Variants in COX7A1 observed in about 807,000 individuals in gnomAD.
COX7A1 encodes cytochrome c oxidase subunit 7A1.
In COX7A1, 21 loss-of-function variants were observed where a neutral mutation model predicts 13.2. That is an observed-to-expected ratio of 1.59 (90% CI 1.13 to 2.29). The LOEUF is 2.29. Ranked by LOEUF, COX7A1 falls within the 30% of genes most tolerant of loss-of-function variation. The pLI, the probability that COX7A1 is intolerant of heterozygous loss-of-function variation, is 0.00. For synonymous variants in COX7A1, 41 were observed against 41.9 expected (o/e 0.98, Z 0.08); for missense variants, 107 against 100.0 (o/e 1.07, Z -0.30).
intron 2 of COX7A1, 51 bp from the exon 3 acceptor site, chr19:36,151,597 C>T: frequency 6.2e-7 from 1 of 1,611,262 alleles, no homozygotes; most frequent in Non-Finnish European, 8.5e-7. Context: ...CTCCTTAGAG[C>T]GCGCCCCGCC....
intron 3 of COX7A1, among the ~76,000 whole-genome samples, 166 bp downstream of exon 3, chr19:36,151,296 C>T (rs1974763475): frequency 6.6e-6 from 1 of 152,124 alleles, no homozygotes; most frequent in South Asian, 2.1e-4. Context: ...AGCCCAAACC[C>T]TAGTTACTCC....
At chr19:36,151,344 C>G in intron 3 of COX7A1, 118 bp downstream of exon 3, 1 of 1,088,060 alleles carries the variant, frequency 9.2e-7, no homozygotes, top group Non-Finnish European at 1.4e-6. Flanking sequence ...GTACTCGACC[C>G]CCTTCCTAAA....
chr19:36,151,613 C>T (rs1467868090), intron 2 of COX7A1, 56 bp downstream of exon 2: 19 of 1,609,484 alleles, frequency 1.2e-5, no homozygotes, highest in Non-Finnish European at 1.5e-5. Context: ...CCGCCTGCCC[C>T]GGCTCGGCGC....
Position 36,151,716 on chromosome 19 carries a change from G to A in COX7A1, c.55C>T (p.Arg19Trp), listed in dbSNP as rs1241499752. Residue 19 changes from arginine (R) to tryptophan (W), a missense_variant, in exon 2 of 4, where the codon CGG becomes TGG. Transcript: ENST00000292907. ...ALIRSFSSTA[R>W]NRFQNRVREK... ...CGCACTCGGTTCTGAAAGCGGTTCC[G>A]GGCGGTGGAGCTGAAGGAGCGGATC... The A allele has an allele frequency of 8.9e-6, 14 of 1,579,916 alleles. No homozygotes were observed. The highest frequency in any genetic ancestry group is 2.3e-5 in the East Asian group (1 of 43,074).
chr19:36,152,263 T>A lies in COX7A1; in HGVS notation c.15+130A>T, dbSNP rs563109980. On this transcript the variant is annotated intron_variant, in intron 1 of 3. Transcript: ENST00000292907. ...TGTGGGGGAAGGGACCCAGGCTGTT[T>A]AGCGGGGAGTCCCAGGCCCTGAAGG... The A allele has an allele frequency of 1.8e-4, 109 of 620,552 alleles. No homozygotes were observed. In the East Asian group the frequency reaches 3.6e-3, roughly 20 times the overall value. 38.4% of individuals were successfully genotyped at this position (620,552 alleles called of 1,614,324 possible).
Position 36,151,666 on chromosome 19 carries a change from C to CCCCCCCCCCACA in COX7A1, c.102+2_102+3insTGTGGGGGGGGG. The CCCCCCCCCCACA allele has an allele frequency of 1.3e-6, 2 of 1,584,898 alleles. No individual in the cohort carries two copies. The highest frequency in any genetic ancestry group is 1.7e-6 in the Non-Finnish European group (2 of 1,162,712). ...CGGATCCCCACCCCCCCCGACCCCCCACCTGGAAGAGCTTCTGTTTCTCGC... is the reference window on the plus strand; with the variant it reads ...CGGATCCCCACCCCCCCCGACCCCCCCCCCCCCCCACAACCTGGAAGAGCTTCTGTTTCTCGC... On this transcript the variant is annotated splice_region_variant and intron_variant, in intron 2 of 3. Transcript: ENST00000292907.
chr19:36,150,993 G>A lies in COX7A1; in HGVS notation c.229C>T (p.Pro77Ser), dbSNP rs757475582. The A allele has an allele frequency of 3.3e-5, 54 of 1,613,956 alleles. No individual in the cohort carries two copies. Among genetic ancestry groups the A allele is most frequent in the Non-Finnish European group, 4.3e-5 (51 of 1,179,988 alleles). The change falls in exon 4 of 4, where the codon CCC becomes TCC. Residue 77 changes from proline to serine, a missense_variant. Transcript: ENST00000292907. ...SLYSLGWASF[P>S]RN ...CAGGCTTCTTGGTCTTAATTCCTGG[G>A]GAAGGAGGCCCAGCCAAGGGAGTAC...
At position 36,152,436 on chromosome 19, in the gene COX7A1, C is replaced by T; in HGVS notation, c.-29G>A. On this transcript the variant is annotated 5_prime_UTR_variant, in exon 1 of 4. It adds an upstream start codon to the 5' untranslated region. Coordinates refer to ENST00000292907, the MANE Select transcript of COX7A1 (RefSeq NM_001864.4). ...GCCTTGTCCTCTTCCGCCGGAGTCA[C>T]CTCCCTTCTCCGCCCAAGGACACGC... 7.5e-7 allele frequency: 1 copy of T among 1,335,286 alleles called. No individual in the cohort carries two copies. Among genetic ancestry groups the T allele is most frequent in the Non-Finnish European group, 9.7e-7 (1 of 1,031,144 alleles). The allele number at this position is 1,335,286 out of a possible 1,614,324, so 82.7% of individuals were successfully genotyped here.
chr19:36,151,661 C>CA lies in COX7A1; in HGVS notation c.102+7_102+8insT, dbSNP rs753926083. ...CGCGTCGGATCCCCACCCCCCCCGA[C>CA]CCCCCACCTGGAAGAGCTTCTGTTT... On this transcript the variant is annotated splice_region_variant and intron_variant, in intron 2 of 3. Transcript: ENST00000292907. The CA allele has an allele frequency of 2.5e-6, 4 of 1,569,254 alleles. No homozygotes were observed. In the Admixed American group the frequency reaches 7.3e-5, roughly 28 times the overall value.
intron 1 of COX7A1, chr19:36,152,014 T>G: frequency 1.6e-6 from 1 of 615,942 alleles, no homozygotes; most frequent in Non-Finnish European, 3.0e-6. Context: ...GACTTTGTTC[T>G]GGGGGGCCTA....
At position 36,151,666 on chromosome 19, in the gene COX7A1, C is replaced by CT. The variant is rs1555731435; in HGVS notation, c.102+2_102+3insA. On this transcript the variant is annotated splice_region_variant and intron_variant, in intron 2 of 3. Transcript: ENST00000292907. Reference sequence around the variant, plus strand: ...CGGATCCCCACCCCCCCCGACCCCCCACCTGGAAGAGCTTCTGTTTCTCGC... The same window carrying CT: ...CGGATCCCCACCCCCCCCGACCCCCCTACCTGGAAGAGCTTCTGTTTCTCGC... 27 of 1,584,912 alleles carry CT rather than the reference C, an allele frequency of 1.7e-5. No homozygotes were observed. In the Admixed American group the frequency reaches 2.2e-4, roughly 13 times the overall value.
At position 36,150,946 on chromosome 19, in the gene COX7A1, T is replaced by TGA; in HGVS notation, c.*35_*36insTC. 1 of 1,603,410 alleles carries TGA rather than the reference T, an allele frequency of 6.2e-7. No homozygotes were observed. The highest frequency in any genetic ancestry group is 1.1e-5 in the South Asian group (1 of 90,834). On this transcript the variant is annotated 3_prime_UTR_variant, in exon 4 of 4. Coordinates refer to ENST00000292907, the MANE Select transcript of COX7A1 (RefSeq NM_001864.4). ...ACAGAGGCCAGCGTTTATTGACACT[T>TGA]GTTCAAGTCTCTCAGGCCCCCCAGG... is the stretch of plus-strand genomic sequence containing the variant.
At chr19:36,151,648 C>T in intron 2 of COX7A1, 21 bp downstream of exon 2, 1 of 1,388,914 alleles carries the variant, frequency 7.2e-7, no homozygotes, top group Non-Finnish European at 9.8e-7. Flanking sequence ...CGTCGGATCC[C>T]CACCCCCCCC....
intron 3 of COX7A1, 146 bp downstream of exon 3, chr19:36,151,316 A>G: frequency 1.2e-6 from 1 of 836,516 alleles, no homozygotes; most frequent in Non-Finnish European, 1.9e-6. Context: ...CCCTCCCTGC[A>G]GGCCTGACTC....
intron 1 of COX7A1, 121 bp downstream of exon 1, chr19:36,152,272 G>T: frequency 1.4e-6 from 1 of 691,900 alleles, no homozygotes. Context: ...TTAGCGGGGA[G>T]TCCCAGGCCC....
intron 1 of COX7A1, 71 bp from the exon 2 acceptor site, chr19:36,151,826 G>T (rs1249090185): frequency 1.4e-5 from 19 of 1,337,972 alleles, no homozygotes; most frequent in Non-Finnish European, 3.1e-6. Flanking sequence ...CCCGCTCTCT[G>T]AGGCCTGGAC....
At chr19:36,151,209 C>T (rs1020529406) in intron 3 of COX7A1, among the ~76,000 whole-genome samples, 175 bp from the exon 4 acceptor site, 3 of 152,124 alleles carry the variant, frequency 2.0e-5, no homozygotes, top group South Asian at 4.1e-4. Flanking sequence ...TTGATCTAGA[C>T]CGGGCTGGGA....
chr19:36,152,381 TGG>T lies in COX7A1; in HGVS notation c.15+10_15+11del. On this transcript the variant is annotated intron_variant, in intron 1 of 3. Coordinates refer to ENST00000292907, the MANE Select transcript of COX7A1 (RefSeq NM_001864.4). ...GGGTGGGGGGCTCCGGCCCAGCCCA[TGG>T]GGGCCTCACCCGAAGGGCCTGCATT... The T allele has an allele frequency of 1.5e-6, 2 of 1,352,698 alleles. No homozygotes were observed. The highest frequency in any genetic ancestry group is 1.9e-6 in the Non-Finnish European group (2 of 1,042,648). 83.8% of individuals were successfully genotyped at this position (1,352,698 alleles called of 1,614,324 possible).
chr19:36,151,645 T>TGCCCCCCCCCCCC, intron 2 of COX7A1, 24 bp downstream of exon 2: 220 of 1,386,880 alleles, frequency 1.6e-4, no homozygotes, highest in Non-Finnish European at 2.1e-4. Context: ...GCGCGTCGGA[T>TGCCCCCCCCCCCC]CCCCACCCCC....
Sources: allele counts gnomAD v4.1 joint callset (sites outside exome capture counted in the v4.1 genomes callset), GRCh38; gene constraint gnomAD v4.1.1; transcripts MANE v1.5; gene names NCBI Gene and HGNC (gene_info 2026-07-23, HGNC 2026-07-21).